The following NDE1 variants were observed in gnomAD, a reference collection of about 807,000 sequenced individuals.
NDE1 encodes nudE neurodevelopment protein 1, also known as nuclear distribution protein nudE homolog 1.
Under a neutral mutation model 43.4 loss-of-function variants are expected in NDE1, and 28 were observed. The ratio of observed to expected loss-of-function variants is 0.65; its 90% CI spans 0.48 to 0.89. The LOEUF (loss-of-function observed/expected upper bound fraction) is 0.89. NDE1 is among the 40% of genes least tolerant of loss of function. The probability of loss-of-function intolerance (pLI) is 0.00; values close to 1 mark genes in which losing one functional copy is unlikely to be tolerated. For synonymous variants in NDE1, 184 were observed against 172.0 expected, an observed-to-expected ratio of 1.07 and a Z score of -0.55; for missense variants, 441 against 434.1, an observed-to-expected ratio of 1.02 and a Z score of -0.14.
rs141031021 is a variant in NDE1 at position 15,720,971 on chromosome 16, G to A, written c.948-3220G>A. 225 of 1,614,072 alleles carry A rather than the reference G, an allele frequency of 1.4e-4. 2 individuals are homozygous for A. Among genetic ancestry groups the A allele is most frequent in the African/African-American group, 9.3e-4 (70 of 75,010 alleles). ...TGGCGTCCTCCGTGGCTTGCAGCTC[G>A]TCCTCCAGCTCTTCCAGCTGCGTCT... On this transcript the variant is annotated intron_variant, in intron 8 of 8. Transcript: ENST00000396354.
At chr16:15,694,820 G>T (rs1304604028) in intron 7 of NDE1, 1 of 985,230 alleles carries the variant, frequency 1.0e-6, no homozygotes, top group African/African-American at 1.7e-5. Flanking sequence ...TAGGAAATTT[G>T]GGAAATTAGG....
chr16:15,648,962 G>A (rs1310634571), upstream of NDE1, among the ~76,000 whole-genome samples: 4 of 152,122 alleles, frequency 2.6e-5, no homozygotes, highest in African/African-American at 9.7e-5. Flanking sequence ...TTGGGAGGCC[G>A]AGGTGGGTGG....
chr16:15,644,144 A>G (rs1280765314), intron 1 of NDE1, among the ~76,000 whole-genome samples: 1 of 152,238 alleles, frequency 6.6e-6, no homozygotes. Context: ...AAATCTAGAC[A>G]CGATTTAGGA....
chr16:15,690,857 G>T (rs2038713780), intron 5 of NDE1, among the ~76,000 whole-genome samples: 1 of 152,114 alleles, frequency 6.6e-6, no homozygotes, highest in African/African-American at 2.4e-5. Context: ...ACCCAGACTG[G>T]AGTGCGCTGG....
chr16:15,704,527 A>G (rs906525711), intron 8 of NDE1, among the ~76,000 whole-genome samples: 1 of 152,236 alleles, frequency 6.6e-6, no homozygotes, highest in South Asian at 2.1e-4. Flanking sequence ...TTCATAGCCC[A>G]TGGGGCAGAG....
intron 8 of NDE1, chr16:15,718,008 G>C: frequency 2.1e-6 from 1 of 474,470 alleles, no homozygotes; most frequent in Admixed American, 3.3e-5. Context: ...CAGAGCTTCA[G>C]CTAGGGGAAA....
Position 15,705,984 on chromosome 16 carries a change from C to CAAAAAAAAAAAAAA in NDE1, c.947+9132_947+9145dup, listed in dbSNP as rs57451847. Among the ~76,000 whole-genome samples the CAAAAAAAAAAAAAA allele has an allele frequency of 8.5e-3, 481 of 56,738 alleles. 117 individuals carry two copies. Among genetic ancestry groups the CAAAAAAAAAAAAAA allele is most frequent in the African/African-American group, 0.05 (441 of 8,898 alleles). 37.2% of individuals were successfully genotyped at this position (56,738 alleles called of 152,430 possible). A position where few individuals can be genotyped will look rare whatever the true frequency, so the allele number is the denominator to read the frequency against. On this transcript the variant is annotated intron_variant, in intron 8 of 8. Transcript: ENST00000396354. ...TAGGCGACAGGGTGAGACTCCGTCT[C>CAAAAAAAAAAAAAA]AAAAAAAAAAAAAAAAAAAAATCAA...
In NDE1 at chr16:15,687,508, A is replaced by C; in HGVS notation, c.520A>C (p.Arg174=). ...ESVQRLKDEA[R]DLRQELAVQQ... is the part of the protein sequence containing the mutation. ...TGTTCAGAGACTGAAGGATGAAGCC[A>C]GAGGTCAGGAGGCCTTGGTGTCTTC... The change falls in exon 5 of 9, where the codon AGA becomes CGA. Residue 174 remains arginine (R), a synonymous_variant. Transcript: ENST00000396354. 2 of 1,613,724 alleles carry C rather than the reference A, an allele frequency of 1.2e-6. No individual in the cohort carries two copies. The highest frequency in any genetic ancestry group is 8.5e-7 in the Non-Finnish European group (1 of 1,179,760).
At chr16:15,689,998 T>G (rs1056494068) in intron 5 of NDE1, among the ~76,000 whole-genome samples, 1 of 151,484 alleles carries the variant, frequency 6.6e-6, no homozygotes, top group East Asian at 1.9e-4. Context: ...CCACATGTTA[T>G]GGTGATGATG....
chr16:15,668,771 T>C (rs1378427703), intron 3 of NDE1, among the ~76,000 whole-genome samples: 1 of 152,214 alleles, frequency 6.6e-6, no homozygotes, highest in Non-Finnish European at 1.5e-5. Flanking sequence ...GACCATTTCC[T>C]TCATTACCAA....
intron 4 of NDE1, among the ~76,000 whole-genome samples, chr16:15,684,005 C>T (rs146072096): frequency 4.6e-5 from 7 of 151,764 alleles, no homozygotes; most frequent in South Asian, 2.1e-4. Flanking sequence ...CTGAGGTGGG[C>T]GGATCACCTG....
Position 15,691,307 on chromosome 16 carries a change from T to C in NDE1, c.687T>C (p.Pro229=). 1 of 1,614,010 alleles carries C rather than the reference T, an allele frequency of 6.2e-7. No individual in the cohort carries two copies. Among genetic ancestry groups the C allele is most frequent in the Non-Finnish European group, 8.5e-7 (1 of 1,179,994 alleles). The change falls in exon 6 of 9, where the codon CCT becomes CCC. Residue 229 remains proline, a synonymous_variant. Transcript: ENST00000396354. ...GACCCAGCTCAAGTTTAAACACACC[T>C]GGGAGCTTCAGACGTGGTAAGGGGA... is the stretch of plus-strand genomic sequence containing the variant. The part of the protein sequence containing the change: ...HRGPSSSLNT[P]GSFRRGLDDS...
At chr16:15,643,643 T>C in exon 1 of NDE1, 1 of 275,662 alleles carries the variant, frequency 3.6e-6, no homozygotes, top group South Asian at 3.0e-5. Context: ...ATGGCGCATA[T>C]TCCCCAGCAT....
At chr16:15,644,995 C>G (rs1447559074) in intron 1 of NDE1, among the ~76,000 whole-genome samples, 1 of 150,062 alleles carries the variant, frequency 6.7e-6, no homozygotes, top group African/African-American at 2.5e-5. Context: ...TCTTGGCTCA[C>G]TGCAGCCTCC....
intron 7 of NDE1, chr16:15,694,916 A>C: frequency 1.0e-6 from 1 of 984,904 alleles, no homozygotes; most frequent in Non-Finnish European, 1.2e-6. Context: ...TCATACCTGT[A>C]ATCCCAGTGC....
chr16:15,710,757 G>C (rs138289851), intron 8 of NDE1, among the ~76,000 whole-genome samples: 27 of 152,044 alleles, frequency 1.8e-4, no homozygotes, highest in African/African-American at 6.5e-4. Flanking sequence ...GCTCACTGCA[G>C]GCTCCTCCTC....
At position 15,652,543 on chromosome 16, in the gene NDE1, GA is replaced by G. The variant is rs1215079421; in HGVS notation, c.-44+2252del. 3.3e-5 allele frequency among the ~76,000 whole-genome samples: 5 copies of G among 152,204 alleles called. No homozygotes were observed. In the South Asian group the frequency reaches 6.2e-4, roughly 19 times the overall value. On this transcript the variant is annotated intron_variant, in intron 1 of 8. Transcript: ENST00000396354. ...TGCCCAGCACTTAGTAGGTATTCAA[GA>G]AATGTTTGAAAAGGGTTGGAGGAGG... is the stretch of plus-strand genomic sequence containing the variant.
At chr16:15,703,549 T>C (rs1353238580) in intron 8 of NDE1, 3 of 334,702 alleles carry the variant, frequency 9.0e-6, no homozygotes, top group Non-Finnish European at 1.7e-5. Flanking sequence ...TCTTACATCA[T>C]ACAAACTTCA....
At position 15,667,968 on chromosome 16, in the gene NDE1, C is replaced by CT. The variant is rs113978379; in HGVS notation, c.237+543dup. Among the ~76,000 whole-genome samples, 231 of 140,856 alleles carry CT rather than the reference C, an allele frequency of 1.6e-3. 1 individual carries two copies. In the East Asian group the frequency reaches 0.018, roughly 11 times the overall value. 92.4% of individuals were successfully genotyped at this position (140,856 alleles called of 152,430 possible). A position where few individuals can be genotyped will look rare whatever the true frequency, so the allele number is the denominator to read the frequency against. ...TTTTATAGGGCACATGGCAGGGAGA[C>CT]TTTTTTTTTTTTTTGAAACAGGGTC... On this transcript the variant is annotated intron_variant, in intron 3 of 8. Coordinates refer to ENST00000396354, the MANE Select transcript of NDE1 (RefSeq NM_017668.3).
Sources: allele counts gnomAD v4.1 joint callset (sites outside exome capture counted in the v4.1 genomes callset), GRCh38; gene constraint gnomAD v4.1.1; transcripts MANE v1.5; gene names NCBI Gene and HGNC (gene_info 2026-07-23, HGNC 2026-07-21).